Variants in DAP3 observed in about 807,000 individuals in gnomAD.
DAP3 encodes small ribosomal subunit protein mS29.
A neutral mutation model predicts 51.9 loss-of-function variants in DAP3; 28 were observed. That is an observed-to-expected ratio of 0.54 (90% CI 0.40 to 0.74). DAP3 has a LOEUF of 0.74. Among genes scored for constraint, DAP3 ranks in the 30% least tolerant of loss-of-function variants. DAP3 has a pLI of 0.00. For synonymous variants in DAP3, 170 were observed against 170.3 expected (o/e 1.00, Z 0.01); for missense variants, 458 against 483.5 (o/e 0.95, Z 0.49).
At chr1:155,719,305 G>A (rs957069613) in intron 3 of DAP3, among the ~76,000 whole-genome samples, 2 of 148,328 alleles carry the variant, frequency 1.3e-5, no homozygotes, top group East Asian at 2.0e-4. Flanking sequence ...GCGCAGTCTC[G>A]TCTCACTGCA....
intron 1 of DAP3, among the ~76,000 whole-genome samples, chr1:155,694,478 C>T (rs938977583): frequency 7.1e-6 from 1 of 141,616 alleles, no homozygotes; most frequent in African/African-American, 3.2e-5. Context: ...CATCAGGTTA[C>T]TCGAGGTTAG....
At chr1:155,699,853 C>T (rs1441291780) in intron 1 of DAP3, among the ~76,000 whole-genome samples, 1 of 152,198 alleles carries the variant, frequency 6.6e-6, no homozygotes, top group East Asian at 1.9e-4. Flanking sequence ...TGGAATTAAG[C>T]AGTCCTCCCG....
upstream of DAP3, chr1:155,688,466 T>G (rs1379432308): frequency 6.5e-7 from 1 of 1,549,814 alleles, no homozygotes; most frequent in Middle Eastern, 1.7e-4. Flanking sequence ...TCCGGCCATG[T>G]AGCGCGCACG....
At chr1:155,691,984 C>T (rs1295818001) in intron 1 of DAP3, among the ~76,000 whole-genome samples, 1 of 141,694 alleles carries the variant, frequency 7.1e-6, no homozygotes, top group Non-Finnish European at 1.5e-5. Flanking sequence ...GATCTCCACA[C>T]TGTTTATTGA....
intron 11 of DAP3, among the ~76,000 whole-genome samples, chr1:155,734,046 A>G (rs1354749612): frequency 6.6e-6 from 1 of 151,902 alleles, no homozygotes; most frequent in Non-Finnish European, 1.5e-5. Flanking sequence ...AGTCACAGCT[A>G]CTCTGGAGAC....
intron 1 of DAP3, among the ~76,000 whole-genome samples, chr1:155,700,835 C>T (rs1335819212): frequency 1.0e-5 from 1 of 97,758 alleles, no homozygotes; most frequent in African/African-American, 4.2e-5. Context: ...TGAGGAGCCC[C>T]TCTGCCCGGC....
upstream of DAP3, chr1:155,688,567 G>C: frequency 1.3e-6 from 2 of 1,538,002 alleles, no homozygotes; most frequent in East Asian, 4.9e-5. Flanking sequence ...CAGCCATCCC[G>C]TACGCGCTCA....
chr1:155,703,686 C>T (rs1027394956), intron 1 of DAP3, among the ~76,000 whole-genome samples: 5 of 152,150 alleles, frequency 3.3e-5, no homozygotes, highest in Non-Finnish European at 5.9e-5. Flanking sequence ...TACAGGCGCC[C>T]GCCACCACAC....
At chr1:155,710,160 G>T (rs374790680) in intron 2 of DAP3, 1 of 193,454 alleles carries the variant, frequency 5.2e-6, no homozygotes, top group Admixed American at 6.0e-5. Flanking sequence ...AAATAAAATT[G>T]TACATGAAAA....
chr1:155,698,077 G>A (rs774199255), intron 1 of DAP3, among the ~76,000 whole-genome samples: 4 of 152,140 alleles, frequency 2.6e-5, no homozygotes, highest in Non-Finnish European at 5.9e-5. Flanking sequence ...CCCGAAAATC[G>A]TTGTTATCCT....
chr1:155,729,267 G>A lies in DAP3; in HGVS notation c.744G>A (p.Lys248=). The change falls in exon 9 of 13, where the codon AAG becomes AAA. Residue 248 remains lysine, a synonymous_variant. Transcript: ENST00000368336. The stretch of plus-strand genomic sequence containing the variant: ...TTGGAATTGTGCTGAAAGAGCTAAA[G>A]AGGCAAAGTTCTTTGGGTATGTTTC... ...DAVGIVLKEL[K]RQSSLGMFHL... 1.9e-6 allele frequency: 3 copies of A among 1,614,188 alleles called. No homozygotes were observed. Among genetic ancestry groups the A allele is most frequent in the Non-Finnish European group, 2.5e-6 (3 of 1,180,036 alleles).
intron 1 of DAP3, among the ~76,000 whole-genome samples, chr1:155,706,523 T>C (rs1320851645): frequency 1.3e-5 from 2 of 152,082 alleles, no homozygotes; most frequent in Non-Finnish European, 1.5e-5. Context: ...TGTAATCCCT[T>C]TGGGAGGCTG....
At chr1:155,689,277 C>T in intron 1 of DAP3, 103 bp downstream of exon 1, 4 of 651,846 alleles carry the variant, frequency 6.1e-6, no homozygotes, top group Non-Finnish European at 1.1e-5. Flanking sequence ...GGCGCGCCTC[C>T]GGGGGGGATT....
intron 2 of DAP3, among the ~76,000 whole-genome samples, chr1:155,715,244 A>G (rs577585468): frequency 3.3e-4 from 48 of 147,168 alleles, no homozygotes; most frequent in Non-Finnish European, 6.4e-4. Context: ...TTGGTGAGCC[A>G]GGTACAGTGG....
chr1:155,714,965 G>T (rs1452624702), intron 2 of DAP3, among the ~76,000 whole-genome samples: 1 of 152,160 alleles, frequency 6.6e-6, no homozygotes, highest in East Asian at 1.9e-4. Flanking sequence ...CACTTTGGGA[G>T]CCTGGGGTGG....
At chr1:155,698,446 C>A (rs527525729) in intron 1 of DAP3, among the ~76,000 whole-genome samples, 1 of 152,138 alleles carries the variant, frequency 6.6e-6, no homozygotes, top group Non-Finnish European at 1.5e-5. Context: ...TCCCTGACTT[C>A]CTGCAACACT....
chr1:155,738,358 T>C lies in DAP3; in HGVS notation c.*116T>C, dbSNP rs1045790815. On this transcript the variant is annotated 3_prime_UTR_variant, in exon 13 of 13. Transcript: ENST00000368336. ...GAGCCAGGCCCTTGTACCTATGGGA[T>C]TGGACAGGACTGCAGTTGGCTCTGG... is the stretch of plus-strand genomic sequence containing the variant. 20 of 1,123,230 alleles carry C rather than the reference T, an allele frequency of 1.8e-5. No individual in the cohort carries two copies. The South Asian group carries it at 1.8e-4, about 10-fold the overall frequency. The allele number at this position is 1,123,230 out of a possible 1,614,324, so 69.6% of individuals were successfully genotyped here.
chr1:155,719,218 C>T (rs1233138580), intron 3 of DAP3, among the ~76,000 whole-genome samples: 1 of 144,064 alleles, frequency 6.9e-6, no homozygotes, highest in Non-Finnish European at 1.5e-5. Flanking sequence ...ATAGCAAGAC[C>T]CTAACTCTAA....
At chr1:155,711,357 G>C (rs1276345400) in intron 2 of DAP3, among the ~76,000 whole-genome samples, 1 of 152,150 alleles carries the variant, frequency 6.6e-6, no homozygotes, top group Non-Finnish European at 1.5e-5. Flanking sequence ...GCTGCGTGTG[G>C]TGGCACACGC....
Sources: allele counts gnomAD v4.1 joint callset (sites outside exome capture counted in the v4.1 genomes callset), GRCh38; gene constraint gnomAD v4.1.1; transcripts MANE v1.5; gene names NCBI Gene and HGNC (gene_info 2026-07-23, HGNC 2026-07-21).